The following TMEM178B variants were observed in gnomAD, a reference collection of about 807,000 sequenced individuals.
The protein encoded by TMEM178B is transmembrane protein 178B.
Under a neutral mutation model 31.0 loss-of-function variants are expected in TMEM178B, and 5 were observed. That is an observed-to-expected ratio of 0.16 (90% confidence interval 0.08 to 0.34). TMEM178B has a LOEUF of 0.34. TMEM178B is among the 10% of genes least tolerant of loss of function. The pLI is 1.00. For missense variants in TMEM178B, 275 were observed against 400.3 expected (o/e 0.69, Z 2.67); for synonymous variants, 164 against 164.0 (o/e 1.00, Z 0.00).
In TMEM178B at chr7:141,084,585, G is replaced by A. The variant is rs545112047; in HGVS notation, c.382+9893G>A. Among the ~76,000 whole-genome samples, 13 of 152,216 alleles carry A rather than the reference G, an allele frequency of 8.5e-5. No individual in the cohort carries two copies. The East Asian group carries it at 9.7e-4, about 11-fold the overall frequency. On this transcript the variant is annotated intron_variant, in intron 1 of 3. Transcript: ENST00000565468. The stretch of plus-strand genomic sequence containing the variant: ...GTCAGCGCATGTTTTGCAGAAAAGC[G>A]GACATGTGATCCTAAGATGTTCTTA...
chr7:141,163,040 C>T (rs190938393), intron 1 of TMEM178B, among the ~76,000 whole-genome samples: 10 of 152,326 alleles, frequency 6.6e-5, no homozygotes, highest in East Asian at 5.8e-4. Context: ...ACAAAGCCTC[C>T]GTGGCTTACA....
At position 141,344,590 on chromosome 7, in the gene TMEM178B, T is replaced by C. The variant is rs948188267; in HGVS notation, c.497-93018T>C. 3.2e-4 allele frequency among the ~76,000 whole-genome samples: 41 copies of C among 127,420 alleles called. No individual in the cohort carries two copies. The highest frequency in any genetic ancestry group is 1.2e-3 in the African/African-American group (38 of 31,664). The allele number at this position is 127,420 out of a possible 152,430, so 83.6% of individuals were successfully genotyped here. ...CTCCCTCCTCCCTTCCTTCCTTCCT[T>C]CCTTCCTTCCTTCCTTCCTTCCTTC... On this transcript the variant is annotated intron_variant, in intron 2 of 3. Transcript: ENST00000565468. The surrounding 1 kb of genome is among the most constrained non-coding windows in gnomAD (Gnocchi z 4.1).
chr7:141,356,122 A>G (rs1213926236), intron 2 of TMEM178B, among the ~76,000 whole-genome samples: 1 of 152,184 alleles, frequency 6.6e-6, no homozygotes, highest in Non-Finnish European at 1.5e-5. Flanking sequence ...TCCGTCATTG[A>G]TGGGCATCTA....
At chr7:141,404,669 C>T (rs1315515581) in intron 2 of TMEM178B, among the ~76,000 whole-genome samples, 1 of 152,204 alleles carries the variant, frequency 6.6e-6, no homozygotes, top group African/African-American at 2.4e-5. Flanking sequence ...TAATTAATTA[C>T]ATCTGCTAAG....
At chr7:141,132,106 T>G (rs1424138400) in intron 1 of TMEM178B, among the ~76,000 whole-genome samples, 1 of 152,208 alleles carries the variant, frequency 6.6e-6, no homozygotes, top group African/African-American at 2.4e-5. Context: ...TCGTTTTGAG[T>G]GCTGAGGCTG....
the TMEM178B span, among the ~76,000 whole-genome samples, chr7:141,509,519 G>A: frequency 1.3e-5 from 2 of 151,876 alleles, no homozygotes; most frequent in Non-Finnish European, 2.9e-5. Context: ...GCATGGTGGC[G>A]GGCGCCTGTA....
At chr7:141,439,751 A>G (rs1435715296) in intron 3 of TMEM178B, among the ~76,000 whole-genome samples, 9 of 152,148 alleles carry the variant, frequency 5.9e-5, no homozygotes, top group Non-Finnish European at 1.3e-4. Flanking sequence ...CAGATAAGGA[A>G]TCCAGTGAGC....
intron 1 of TMEM178B, among the ~76,000 whole-genome samples, chr7:141,138,520 G>C (rs1238968678): frequency 1.3e-5 from 2 of 152,076 alleles, no homozygotes; most frequent in African/African-American, 4.8e-5. Flanking sequence ...TTCTGAGGGT[G>C]GGGGTGGAGG....
chr7:141,493,266 G>T, the TMEM178B span, among the ~76,000 whole-genome samples: 2 of 152,320 alleles, frequency 1.3e-5, no homozygotes, highest in Middle Eastern at 3.4e-3. Flanking sequence ...AGAGACAGGT[G>T]GTTGTTAGAG....
At chr7:141,308,027 A>ACTTATTGTGT (rs979711611) in intron 2 of TMEM178B, among the ~76,000 whole-genome samples, 1 of 152,186 alleles carries the variant, frequency 6.6e-6, no homozygotes, top group African/African-American at 2.4e-5. Flanking sequence ...AGCACTTTTC[A>ACTTATTGTGT]CTTATTGTGT....
chr7:141,346,960 T>G (rs1441889142), intron 2 of TMEM178B, among the ~76,000 whole-genome samples: 1 of 152,148 alleles, frequency 6.6e-6, no homozygotes, highest in Non-Finnish European at 1.5e-5. Context: ...ACCATCGCCC[T>G]AGTGCTGTCT....
Position 141,119,324 on chromosome 7 carries a change from C to G in TMEM178B, c.382+44632C>G, listed in dbSNP as rs150723521. Among the ~76,000 whole-genome samples the G allele has an allele frequency of 3.1e-3, 478 of 152,238 alleles. 3 individuals are homozygous for G. The highest frequency in any genetic ancestry group is 0.011 in the African/African-American group (449 of 41,534). Reference sequence around the variant, plus strand: ...GCACTTCTGGTCTGTCCCACTTGGTCCCAGTGAGCTCTAGTGGCTAGAGGG... The same window carrying G: ...GCACTTCTGGTCTGTCCCACTTGGTGCCAGTGAGCTCTAGTGGCTAGAGGG... On this transcript the variant is annotated intron_variant, in intron 1 of 3. Transcript: ENST00000565468.
At chr7:141,419,794 G>C (rs2116649659) in intron 2 of TMEM178B, among the ~76,000 whole-genome samples, 1 of 152,294 alleles carries the variant, frequency 6.6e-6, no homozygotes. Context: ...TTTATTCCCA[G>C]AAAGAGAACT....
At chr7:141,510,709 A>AAAAAAAAAAAAAAAAAAAAT in the TMEM178B span, among the ~76,000 whole-genome samples, 1 of 134,954 alleles carries the variant, frequency 7.4e-6, no homozygotes, top group Admixed American at 7.0e-5. Context: ...AAAAAAAAAA[A>AAAAAAAAAAAAAAAAAAAAT]AAAGAAAAAA....
chr7:141,336,909 TCAC>T (rs777224721), intron 2 of TMEM178B, among the ~76,000 whole-genome samples: 5,024 of 45,230 alleles, frequency 0.11, 175 homozygotes, highest in African/African-American at 0.14. Context: ...ACCACCATCA[TCAC>T]CACCACCACC....
chr7:141,321,840 C>G (rs984494394), intron 2 of TMEM178B, among the ~76,000 whole-genome samples: 4 of 147,420 alleles, frequency 2.7e-5, no homozygotes, highest in Non-Finnish European at 4.5e-5. Context: ...AAAAAAAAAG[C>G]TCTCTAGGTG....
intron 2 of TMEM178B, among the ~76,000 whole-genome samples, chr7:141,327,029 C>A (rs1799203314): frequency 6.6e-6 from 1 of 152,152 alleles, no homozygotes; most frequent in African/African-American, 2.4e-5. Context: ...CCATGAAATT[C>A]TTTCCATATG....
intron 2 of TMEM178B, among the ~76,000 whole-genome samples, chr7:141,226,051 A>G (rs911986476): frequency 6.6e-6 from 1 of 152,184 alleles, no homozygotes; most frequent in African/African-American, 2.4e-5. Context: ...GCTGCTAAAC[A>G]TGGGTGTGGA....
chr7:141,342,188 T>C (rs112379947), intron 2 of TMEM178B, among the ~76,000 whole-genome samples: 4,418 of 152,216 alleles, frequency 0.029, 127 homozygotes, highest in African/African-American at 0.072. Flanking sequence ...CCTCAGGTGG[T>C]CTGCTTGCCT....
Sources: allele counts gnomAD v4.1 joint callset (sites outside exome capture counted in the v4.1 genomes callset), GRCh38; gene constraint gnomAD v4.1.1; non-coding constraint Gnocchi (gnomAD v3.1); transcripts MANE v1.5; gene names NCBI Gene and HGNC (gene_info 2026-07-23, HGNC 2026-07-21).